Variants in CATSPERT observed in about 807,000 individuals in gnomAD.
CATSPERT encodes the protein cation channel sperm-associated targeting subunit tau.
At chr2:201,604,328 T>C in the CATSPERT span, among the ~76,000 whole-genome samples, 1 of 152,164 alleles carries the variant, frequency 6.6e-6, no homozygotes, top group Non-Finnish European at 1.5e-5. Context: ...TCCTAGAGAT[T>C]CTAAGTTAGC....
At chr2:201,545,848 C>G in the CATSPERT span, among the ~76,000 whole-genome samples, 1 of 151,834 alleles carries the variant, frequency 6.6e-6, no homozygotes, top group Non-Finnish European at 1.5e-5. Flanking sequence ...GTTGATGTTC[C>G]AAAGAAAGTG....
the CATSPERT span, among the ~76,000 whole-genome samples, chr2:201,589,780 A>G: frequency 6.6e-6 from 1 of 152,250 alleles, no homozygotes; most frequent in South Asian, 2.1e-4. Flanking sequence ...TAAACTAAAG[A>G]GCTTCTGCAC....
the CATSPERT span, among the ~76,000 whole-genome samples, chr2:201,510,372 A>G: frequency 1.3e-5 from 2 of 152,208 alleles, no homozygotes; most frequent in South Asian, 4.1e-4. Context: ...TGAACCTGGG[A>G]GGAGGAGGTT....
the CATSPERT span, chr2:201,572,059 T>A: frequency 0.047 from 69,818 of 1,488,198 alleles, 1,813 homozygotes; most frequent in African/African-American, 0.079. Flanking sequence ...CTGTTTAGTT[T>A]CAATTAAAAC....
At chr2:201,594,339 G>A in the CATSPERT span, among the ~76,000 whole-genome samples, 24 of 152,212 alleles carry the variant, frequency 1.6e-4, no homozygotes, top group Non-Finnish European at 2.6e-4. Flanking sequence ...AGTTTCTGCC[G>A]AGAGATCCAC....
At chr2:201,518,113 C>T in the CATSPERT span, among the ~76,000 whole-genome samples, 4 of 152,132 alleles carry the variant, frequency 2.6e-5, no homozygotes, top group African/African-American at 9.7e-5. Context: ...TAAAAGGATG[C>T]CAGTCTGTAG....
the CATSPERT span, among the ~76,000 whole-genome samples, chr2:201,507,628 C>T: frequency 6.6e-6 from 1 of 152,144 alleles, no homozygotes; most frequent in Non-Finnish European, 1.5e-5. Context: ...GAACAGAATA[C>T]TGAAACAGCT....
At chr2:201,516,994 C>T in the CATSPERT span, among the ~76,000 whole-genome samples, 2 of 151,460 alleles carry the variant, frequency 1.3e-5, no homozygotes, top group African/African-American at 2.4e-5. Flanking sequence ...CCGTGTACCT[C>T]CCTGCCTCCG....
At chr2:201,527,885 A>G in the CATSPERT span, among the ~76,000 whole-genome samples, 16 of 152,104 alleles carry the variant, frequency 1.1e-4, no homozygotes, top group Non-Finnish European at 2.4e-4. Context: ...AAACAATTGC[A>G]ACAAAAATAA....
the CATSPERT span, among the ~76,000 whole-genome samples, chr2:201,597,256 A>G: frequency 6.6e-6 from 1 of 152,142 alleles, no homozygotes; most frequent in Non-Finnish European, 1.5e-5. Flanking sequence ...TCAGACTCCA[A>G]TAACTCTGAA....
the CATSPERT span, among the ~76,000 whole-genome samples, chr2:201,584,708 G>A: frequency 1.3e-4 from 19 of 151,886 alleles, no homozygotes; most frequent in East Asian, 3.7e-3. Context: ...GCTTGAACCC[G>A]GGAGGCAGAG....
the CATSPERT span, chr2:201,618,954 C>G: frequency 1.9e-6 from 3 of 1,613,918 alleles, no homozygotes; most frequent in East Asian, 6.7e-5. Flanking sequence ...GCAGGGCCGT[C>G]GTGCCCTGGT....
the CATSPERT span, among the ~76,000 whole-genome samples, chr2:201,531,404 G>A: frequency 3.3e-5 from 5 of 152,008 alleles, no homozygotes; most frequent in Non-Finnish European, 7.4e-5. Flanking sequence ...ATTATTACTA[G>A]ATAGTAAGAT....
chr2:201,492,116 A>G, the CATSPERT span: 13 of 1,526,616 alleles, frequency 8.5e-6, no homozygotes, highest in South Asian at 4.9e-5. Flanking sequence ...TCTCGAATCA[A>G]TTCTGCTTCT....
the CATSPERT span, among the ~76,000 whole-genome samples, chr2:201,591,486 A>G: frequency 1.3e-5 from 2 of 152,090 alleles, no homozygotes; most frequent in Non-Finnish European, 2.9e-5. Flanking sequence ...TTGGTTCCAT[A>G]TGAACTTTAA....
the CATSPERT span, among the ~76,000 whole-genome samples, chr2:201,610,351 A>AG: frequency 6.6e-6 from 1 of 151,954 alleles, no homozygotes; most frequent in African/African-American, 2.4e-5. Flanking sequence ...TCAGCTACTC[A>AG]GGAGGCTGAG....
chr2:201,595,049 G>A, the CATSPERT span, among the ~76,000 whole-genome samples: 1 of 152,124 alleles, frequency 6.6e-6, no homozygotes, highest in Non-Finnish European at 1.5e-5. Context: ...AGGAGGAGAG[G>A]CGCTCTGTTT....
chr2:201,601,989 TCATGTAG>T, the CATSPERT span: 28 of 789,856 alleles, frequency 3.5e-5, no homozygotes, highest in Non-Finnish European at 4.7e-5. Flanking sequence ...TAAGAATCAA[TCATGTAG>T]CATTAAACAA....
At chr2:201,529,324 C>A in the CATSPERT span, among the ~76,000 whole-genome samples, 2 of 152,034 alleles carry the variant, frequency 1.3e-5, no homozygotes, top group African/African-American at 4.8e-5. Flanking sequence ...AAGCTAGATG[C>A]ATCACAACTC....
Sources: allele counts gnomAD v4.1 joint callset (sites outside exome capture counted in the v4.1 genomes callset), GRCh38; gene constraint gnomAD v4.1.1; transcripts MANE v1.5; gene names NCBI Gene and HGNC (gene_info 2026-07-23, HGNC 2026-07-21).